Variants in DLG2 observed in about 807,000 individuals in gnomAD.
DLG2 encodes discs large MAGUK scaffold protein 2.
DLG2 carries 45 observed loss-of-function variants against 132.5 expected under a neutral mutation model. That is an observed-to-expected ratio of 0.34 (90% CI 0.27 to 0.44). DLG2 has a LOEUF of 0.44. Among genes scored for constraint, DLG2 ranks in the 20% least tolerant of loss-of-function variants. DLG2 has a pLI of 1.00. For missense variants in DLG2, 1,045 were observed against 1,196.9 expected, an observed-to-expected ratio of 0.87 and a Z score of 1.87; for synonymous variants, 424 against 419.6, an observed-to-expected ratio of 1.01 and a Z score of -0.13.
At chr11:85,337,819 T>C (rs186587833) in intron 3 of DLG2, among the ~76,000 whole-genome samples, 10 of 152,316 alleles carry the variant, frequency 6.6e-5, no homozygotes, top group African/African-American at 2.4e-4. Context: ...AAGTGAAGCA[T>C]TGGTGTATTG....
intron 9 of DLG2, among the ~76,000 whole-genome samples, chr11:84,107,831 T>C (rs1382265815): frequency 6.6e-6 from 1 of 152,100 alleles, no homozygotes; most frequent in African/African-American, 2.4e-5. Flanking sequence ...TAGAATGAAG[T>C]TGAAAACTTA....
intron 17 of DLG2, among the ~76,000 whole-genome samples, chr11:83,811,423 C>A (rs977210142): frequency 2.6e-5 from 4 of 151,998 alleles, no homozygotes; most frequent in African/African-American, 9.7e-5. Flanking sequence ...ACAGAAATGG[C>A]AACTTCATAT....
intron 3 of DLG2, among the ~76,000 whole-genome samples, chr11:85,498,671 T>A (rs369182665): frequency 2.0e-5 from 3 of 151,872 alleles, no homozygotes; most frequent in African/African-American, 4.9e-5. Flanking sequence ...ATTGACCACA[T>A]AATTGGAAGT....
chr11:83,620,515 A>G (rs1460029924), intron 19 of DLG2, among the ~76,000 whole-genome samples: 2 of 152,160 alleles, frequency 1.3e-5, no homozygotes, highest in African/African-American at 2.4e-5. Context: ...AAATGGCATA[A>G]AAGATGAAGA....
At chr11:85,345,887 G>A (rs950859100) in intron 3 of DLG2, among the ~76,000 whole-genome samples, 1 of 152,046 alleles carries the variant, frequency 6.6e-6, no homozygotes, top group South Asian at 2.1e-4. Context: ...AAAAACAAAC[G>A]CCAAATCTGG....
chr11:83,558,848 C>CGTGTGTGTGTGTGTGT lies in DLG2; in HGVS notation c.1941-17006_1941-16991dup, dbSNP rs3039336. 4.2e-3 allele frequency among the ~76,000 whole-genome samples: 604 copies of CGTGTGTGTGTGTGTGT among 142,324 alleles called. 5 individuals carry two copies. The highest frequency in any genetic ancestry group is 0.011 in the Middle Eastern group (3 of 274). The allele number at this position is 142,324 out of a possible 152,430, so 93.4% of individuals were successfully genotyped here. On this transcript the variant is annotated intron_variant, in intron 19 of 27. Coordinates refer to ENST00000376104, the MANE Select transcript of DLG2 (RefSeq NM_001142699.3). Reference sequence around the variant, plus strand: ...CCCGGTAAAAAACAGTGCTAGATGTCGTGTGTGTGTGTGTGTGTGTGTGTG... The same window carrying CGTGTGTGTGTGTGTGT: ...CCCGGTAAAAAACAGTGCTAGATGTCGTGTGTGTGTGTGTGTGTGTGTGTGTGTGTGTGTGTGTGTG...
At chr11:85,006,087 G>A (rs531195282) in intron 6 of DLG2, among the ~76,000 whole-genome samples, 2 of 152,220 alleles carry the variant, frequency 1.3e-5, no homozygotes, top group African/African-American at 4.8e-5. Flanking sequence ...CTTGATCTTG[G>A]TGGATAAGCT....
At chr11:83,775,880 C>T (rs1038558150) in intron 18 of DLG2, among the ~76,000 whole-genome samples, 5 of 152,114 alleles carry the variant, frequency 3.3e-5, no homozygotes, top group African/African-American at 1.2e-4. Flanking sequence ...ATCACAAGAT[C>T]AGGAGATCGA....
chr11:84,684,489 TG>T (rs1303948573), intron 6 of DLG2, among the ~76,000 whole-genome samples: 1 of 152,204 alleles, frequency 6.6e-6, no homozygotes, highest in East Asian at 1.9e-4. Flanking sequence ...TATTTGTTGA[TG>T]GGCTACCTAT....
chr11:84,351,157 G>A (rs1430748970), intron 7 of DLG2, among the ~76,000 whole-genome samples: 2 of 151,980 alleles, frequency 1.3e-5, no homozygotes, highest in African/African-American at 4.8e-5. Context: ...AATCTTACAG[G>A]AATTGTAAAT....
At chr11:83,750,118 TTACTC>T (rs777568641) in intron 18 of DLG2, among the ~76,000 whole-genome samples, 4 of 152,160 alleles carry the variant, frequency 2.6e-5, no homozygotes, top group Admixed American at 2.0e-4. Context: ...AAGCTTGTCT[TTACTC>T]TAGTTCTTAA....
At chr11:84,916,266 G>A (rs1212434670) in intron 6 of DLG2, among the ~76,000 whole-genome samples, 2 of 140,048 alleles carry the variant, frequency 1.4e-5, no homozygotes, top group Admixed American at 7.5e-5. Flanking sequence ...GGAGAATGGC[G>A]TGAACCCGGG....
chr11:84,482,502 G>C (rs578149795), intron 7 of DLG2, among the ~76,000 whole-genome samples: 15 of 152,320 alleles, frequency 9.8e-5, no homozygotes, highest in East Asian at 7.7e-4. Flanking sequence ...CCTTGAGCAA[G>C]CTCCTTAACT....
chr11:83,651,183 C>G (rs1269917657), intron 18 of DLG2, among the ~76,000 whole-genome samples: 1 of 151,882 alleles, frequency 6.6e-6, no homozygotes, highest in African/African-American at 2.4e-5. Context: ...ATAATAGGTA[C>G]TCAATAAATA....
intron 2 of DLG2, among the ~76,000 whole-genome samples, chr11:85,612,985 C>G (rs549343727): frequency 8.3e-4 from 127 of 152,312 alleles, no homozygotes; most frequent in Non-Finnish European, 1.7e-3. Flanking sequence ...AAGGAGGACT[C>G]TGCACCTTCT....
chr11:84,940,141 C>T (rs1400233114), intron 6 of DLG2, among the ~76,000 whole-genome samples: 2 of 152,114 alleles, frequency 1.3e-5, no homozygotes, highest in Non-Finnish European at 2.9e-5. Flanking sequence ...GATGATATCA[C>T]ACATTTTAGT....
chr11:83,618,755 G>A (rs563492503), intron 19 of DLG2, among the ~76,000 whole-genome samples: 1 of 152,260 alleles, frequency 6.6e-6, no homozygotes, highest in South Asian at 2.1e-4. Flanking sequence ...ACCTCCTATG[G>A]AGGGGAAATA....
chr11:84,084,139 G>A (rs1216460981), intron 10 of DLG2, among the ~76,000 whole-genome samples: 1 of 152,168 alleles, frequency 6.6e-6, no homozygotes, highest in Non-Finnish European at 1.5e-5. Context: ...ACTATTTGAA[G>A]AAAAAGTAGG....
At chr11:84,690,144 A>C (rs1382366320) in intron 6 of DLG2, among the ~76,000 whole-genome samples, 5 of 151,818 alleles carry the variant, frequency 3.3e-5, no homozygotes, top group African/African-American at 1.2e-4. Context: ...AAGAGATGGG[A>C]AAAGGAGAGA....
Sources: gnomAD v4.1 joint callset for allele counts (sites outside exome capture counted in the v4.1 genomes callset) on GRCh38, gnomAD v4.1.1 for gene constraint, MANE v1.5 for transcripts, NCBI Gene and HGNC (gene_info 2026-07-23, HGNC 2026-07-21) for gene names.